RBFOX1: variants seen among roughly 807,000 people sequenced by gnomAD.
The protein encoded by RBFOX1 is RNA binding fox-1 homolog 1, also known as RNA binding protein fox-1 homolog 1.
RBFOX1 carries 8 observed loss-of-function variants against 57.7 expected under a neutral mutation model. The observed-to-expected ratio is 0.14, with a 90% CI of 0.08 to 0.25. The LOEUF (loss-of-function observed/expected upper bound fraction) is 0.25, where lower values mean the gene tolerates loss of function less well. RBFOX1 is among the 10% of genes least tolerant of loss of function. The pLI is 1.00. For synonymous variants in RBFOX1, 326 were observed against 222.4 expected (o/e 1.47, Z -4.15); for missense variants, 611 against 548.5 (o/e 1.11, Z -1.14).
At chr16:6,014,237 GTTA>G (rs1373892219), upstream of RBFOX1, among the ~76,000 whole-genome samples, 1 of 147,810 alleles carries the variant, frequency 6.8e-6, no homozygotes, top group Non-Finnish European at 1.5e-5. Context: ...AGCTGTTTTT[GTTA>G]TCATCATGAC....
At chr16:6,881,792 A>G (rs1042982959) in intron 3 of RBFOX1, among the ~76,000 whole-genome samples, 4 of 152,172 alleles carry the variant, frequency 2.6e-5, no homozygotes, top group Non-Finnish European at 4.4e-5. Context: ...TGGAGCCTCA[A>G]TGCAACCTAC....
chr16:5,503,961 T>C (rs772712612), intron 2 of RBFOX1, among the ~76,000 whole-genome samples: 1 of 152,196 alleles, frequency 6.6e-6, no homozygotes, highest in Non-Finnish European at 1.5e-5. Context: ...TCTTCTTTGC[T>C]GAGGCTCAGC....
At chr16:7,370,968 C>G (rs77554959) in intron 4 of RBFOX1, among the ~76,000 whole-genome samples, 384 of 152,204 alleles carry the variant, frequency 2.5e-3, no homozygotes, top group Non-Finnish European at 3.9e-3. Context: ...AAGCAAAGCC[C>G]CAATCAGGAA....
In RBFOX1 at chr16:6,398,935, G is replaced by T. The variant is rs541456587; in HGVS notation, c.-64+81878G>T. Among the ~76,000 whole-genome samples, 91 of 152,362 alleles carry T rather than the reference G, an allele frequency of 6.0e-4. 1 individual carries two copies. Among genetic ancestry groups the T allele is most frequent in the African/African-American group, 2.2e-3 (90 of 41,594 alleles). On this transcript the variant is annotated intron_variant, in intron 2 of 15. Transcript: ENST00000550418. ...TCCCTTCTGCACTGTCCTAGCAGAG[G>T]TTCTCCATGAGGATTCTGCCCCAGT... is the stretch of plus-strand genomic sequence containing the variant.
chr16:6,921,387 C>T (rs570883033), intron 3 of RBFOX1, among the ~76,000 whole-genome samples: 8 of 152,068 alleles, frequency 5.3e-5, no homozygotes, highest in African/African-American at 1.2e-4. Flanking sequence ...GGATATGCTT[C>T]GAAGATCACC....
chr16:7,295,228 G>C lies in RBFOX1; in HGVS notation c.28-222919G>C, dbSNP rs192684978. Among the ~76,000 whole-genome samples the C allele has an allele frequency of 7.1e-4, 108 of 152,270 alleles. 1 individual carries two copies. Among genetic ancestry groups the C allele is most frequent in the African/African-American group, 2.5e-3 (105 of 41,560 alleles). On this transcript the variant is annotated intron_variant, in intron 4 of 15. Transcript: ENST00000550418. ...CAGAAGACCAGGGCAGAAAGGTGATGTGTATGATGTCTATACATTTTTGTA... is the reference window on the plus strand; with the variant it reads ...CAGAAGACCAGGGCAGAAAGGTGATCTGTATGATGTCTATACATTTTTGTA...
At chr16:5,964,434 A>T (rs1048892598) in intron 4 of RBFOX1, among the ~76,000 whole-genome samples, 1 of 152,196 alleles carries the variant, frequency 6.6e-6, no homozygotes, top group East Asian at 1.9e-4. Context: ...CTGCACTTCC[A>T]TGTTTATTGC....
intron 4 of RBFOX1, among the ~76,000 whole-genome samples, chr16:7,383,915 A>G (rs60947611): frequency 0.016 from 2,463 of 152,132 alleles, 75 homozygotes; most frequent in African/African-American, 0.056. Context: ...TTAGCTGGGC[A>G]TGGTGGCATG....
intron 4 of RBFOX1, among the ~76,000 whole-genome samples, chr16:7,072,027 A>G (rs1029659976): frequency 7.2e-5 from 11 of 152,188 alleles, no homozygotes; most frequent in African/African-American, 2.7e-4. Flanking sequence ...ACTCGAAGTC[A>G]TAACGATTTC....
At chr16:7,581,546 A>G (rs1423337262) in intron 6 of RBFOX1, among the ~76,000 whole-genome samples, 1 of 152,154 alleles carries the variant, frequency 6.6e-6, no homozygotes, top group Non-Finnish European at 1.5e-5. Context: ...CGTGAAAGTT[A>G]CTGCAGGCTA....
At chr16:6,130,758 A>G (rs1378292312) in intron 1 of RBFOX1, among the ~76,000 whole-genome samples, 1 of 152,178 alleles carries the variant, frequency 6.6e-6, no homozygotes, top group East Asian at 1.9e-4. Context: ...CAGGGGAAGA[A>G]GTATTAGCAA....
chr16:6,852,954 A>G (rs968555583), intron 3 of RBFOX1, among the ~76,000 whole-genome samples: 8 of 152,200 alleles, frequency 5.3e-5, no homozygotes, highest in Admixed American at 6.5e-5. Context: ...GACTGTGTTG[A>G]TGACATCAAG....
intron 3 of RBFOX1, among the ~76,000 whole-genome samples, chr16:5,699,832 T>G (rs12933373): frequency 0.22 from 33,485 of 152,026 alleles, 5,014 homozygotes; most frequent in East Asian, 0.65. Context: ...TCTGGTTTTA[T>G]TATTTATTTA....
At chr16:6,698,406 A>G (rs2154139285) in intron 3 of RBFOX1, among the ~76,000 whole-genome samples, 1 of 152,280 alleles carries the variant, frequency 6.6e-6, no homozygotes, top group African/African-American at 2.4e-5. Context: ...AAAACTAGAG[A>G]TTCTTAAGTA....
At chr16:6,127,929 T>C (rs999982874) in intron 1 of RBFOX1, among the ~76,000 whole-genome samples, 5 of 152,196 alleles carry the variant, frequency 3.3e-5, no homozygotes, top group African/African-American at 9.6e-5. Context: ...AAGCGTGCAT[T>C]GATTAATATT....
chr16:6,637,782 T>C (rs779557980), intron 2 of RBFOX1, among the ~76,000 whole-genome samples: 1 of 151,838 alleles, frequency 6.6e-6, no homozygotes, highest in African/African-American at 2.4e-5. Context: ...TGGCGTTATT[T>C]AGCAGGAGGG....
At chr16:6,454,186 T>G (rs2094703417) in intron 2 of RBFOX1, among the ~76,000 whole-genome samples, 1 of 152,160 alleles carries the variant, frequency 6.6e-6, no homozygotes, top group Non-Finnish European at 1.5e-5. Flanking sequence ...CACATTCTGA[T>G]GTACAGGGGG....
At chr16:6,295,660 A>T (rs954835155) in intron 1 of RBFOX1, among the ~76,000 whole-genome samples, 1 of 152,156 alleles carries the variant, frequency 6.6e-6, no homozygotes, top group Non-Finnish European at 1.5e-5. Context: ...ACACATGTCC[A>T]ATGACTGGAA....
At chr16:6,818,114 C>G (rs2090502105) in intron 3 of RBFOX1, among the ~76,000 whole-genome samples, 1 of 152,138 alleles carries the variant, frequency 6.6e-6, no homozygotes, top group Admixed American at 6.5e-5. Flanking sequence ...TTTTCCACCC[C>G]TCCCTCTATG....
Sources: allele counts gnomAD v4.1 joint callset (sites outside exome capture counted in the v4.1 genomes callset), GRCh38; gene constraint gnomAD v4.1.1; transcripts MANE v1.5; gene names NCBI Gene and HGNC (gene_info 2026-07-23, HGNC 2026-07-21).